The following PTPRD variants were observed in gnomAD, a reference collection of about 807,000 sequenced individuals.
PTPRD encodes the protein receptor-type tyrosine-protein phosphatase delta.
Under a neutral mutation model 214.5 loss-of-function variants are expected in PTPRD, and 34 were observed. The ratio of observed to expected loss-of-function variants is 0.16; its 90% CI spans 0.12 to 0.21. PTPRD has a LOEUF of 0.21. Among genes scored for constraint, PTPRD ranks in the 10% least tolerant of loss-of-function variants. The pLI is 1.00. For missense variants in PTPRD, 2,545 were observed against 2,398.7 expected (o/e 1.06, Z -1.27); for synonymous variants, 1,128 against 845.7 (o/e 1.33, Z -5.79).
chr9:10,408,953 T>C (rs180782588), intron 2 of PTPRD, among the ~76,000 whole-genome samples: 1 of 151,906 alleles, frequency 6.6e-6, no homozygotes, highest in African/African-American at 2.4e-5. Context: ...GTTCAATAGA[T>C]ATATGCTGAA....
intron 3 of PTPRD, among the ~76,000 whole-genome samples, chr9:10,272,131 C>T (rs1009798541): frequency 1.3e-5 from 2 of 152,102 alleles, no homozygotes; most frequent in Admixed American, 6.5e-5. Context: ...CAATCATAAA[C>T]GTGCTTTCTC....
At position 9,175,622 on chromosome 9, in the gene PTPRD, C is replaced by CAAAA. The variant is rs55707715; in HGVS notation, c.-143+7678_-143+7681dup. Among the ~76,000 whole-genome samples the CAAAA allele has an allele frequency of 7.7e-4, 35 of 45,264 alleles. 2 individuals are homozygous for CAAAA. The highest frequency in any genetic ancestry group is 2.8e-3 in the African/African-American group (31 of 11,256). 29.7% of individuals were successfully genotyped at this position (45,264 alleles called of 152,430 possible). ...TGGGCAACAGAGTGAGACTCTGTCT[C>CAAAA]AAAAAAAAAAAAAAAAAAAAAAAAA... On this transcript the variant is annotated intron_variant, in intron 10 of 45. Transcript: ENST00000381196.
chr9:9,080,728 G>C (rs1054076837), intron 10 of PTPRD, among the ~76,000 whole-genome samples: 2 of 152,080 alleles, frequency 1.3e-5, no homozygotes, highest in South Asian at 2.1e-4. Context: ...TCCCTTGGGA[G>C]GGTGTATGTG....
At chr9:10,598,156 GA>G (rs35541370) in intron 2 of PTPRD, among the ~76,000 whole-genome samples, 50,866 of 151,488 alleles carry the variant, frequency 0.34, 9,025 homozygotes, top group East Asian at 0.49. Context: ...GAAGAGATGT[GA>G]ATTATAACTG....
intron 11 of PTPRD, among the ~76,000 whole-genome samples, chr9:8,910,522 T>C (rs1240007797): frequency 2.6e-5 from 4 of 152,136 alleles, no homozygotes; most frequent in Non-Finnish European, 5.9e-5. Flanking sequence ...AGACCTGAGC[T>C]AGCATGCTCA....
intron 5 of PTPRD, among the ~76,000 whole-genome samples, chr9:9,797,357 A>G (rs1253876452): frequency 1.3e-5 from 2 of 150,712 alleles, no homozygotes; most frequent in Non-Finnish European, 3.0e-5. Flanking sequence ...TATAAATTAC[A>G]TATTTAAAAT....
chr9:8,973,097 ATATTC>A (rs1247486628), intron 11 of PTPRD, among the ~76,000 whole-genome samples: 4 of 151,992 alleles, frequency 2.6e-5, no homozygotes, highest in Admixed American at 6.6e-5. Flanking sequence ...CCTTTTAAAA[ATATTC>A]AGCTTTGATT....
At chr9:8,374,944 T>G (rs548632290) in intron 39 of PTPRD, among the ~76,000 whole-genome samples, 1 of 151,900 alleles carries the variant, frequency 6.6e-6, no homozygotes, top group Non-Finnish European at 1.5e-5. Context: ...TGTATTATAT[T>G]TATATTATAG....
chr9:9,432,040 C>G (rs894377576), intron 8 of PTPRD, among the ~76,000 whole-genome samples: 87 of 127,714 alleles, frequency 6.8e-4, no homozygotes, highest in Non-Finnish European at 1.2e-3. Flanking sequence ...TACCCTAGAA[C>G]TTAAAGTATA....
At chr9:8,543,757 G>C (rs2079096282) in intron 14 of PTPRD, among the ~76,000 whole-genome samples, 1 of 152,024 alleles carries the variant, frequency 6.6e-6, no homozygotes, top group Non-Finnish European at 1.5e-5. Context: ...CTGTTGTCCA[G>C]GCTGGAGTGC....
intron 10 of PTPRD, among the ~76,000 whole-genome samples, chr9:9,132,919 T>A (rs894279656): frequency 6.6e-6 from 1 of 152,202 alleles, no homozygotes; most frequent in Admixed American, 6.5e-5. Flanking sequence ...GGATGGCATA[T>A]ATAATATTAA....
At chr9:10,070,751 CTATT>C (rs1244208445) in intron 3 of PTPRD, among the ~76,000 whole-genome samples, 1 of 151,718 alleles carries the variant, frequency 6.6e-6, no homozygotes, top group Non-Finnish European at 1.5e-5. Flanking sequence ...TTTTCAATGA[CTATT>C]TAGTAAGTTT....
chr9:10,101,649 C>T (rs1247923371), intron 3 of PTPRD, among the ~76,000 whole-genome samples: 1 of 151,642 alleles, frequency 6.6e-6, no homozygotes, highest in East Asian at 1.9e-4. Flanking sequence ...TTGCACAGGT[C>T]CTATTACTAC....
chr9:10,336,104 G>GAA (rs2096839669), intron 3 of PTPRD, among the ~76,000 whole-genome samples: 1 of 151,742 alleles, frequency 6.6e-6, no homozygotes, highest in Non-Finnish European at 1.5e-5. Context: ...ACCCCACGGA[G>GAA]CTGAAAACTT....
chr9:10,264,116 C>G (rs1474491796), intron 3 of PTPRD, among the ~76,000 whole-genome samples: 2 of 152,182 alleles, frequency 1.3e-5, no homozygotes, highest in Non-Finnish European at 2.9e-5. Flanking sequence ...GAAGTCCAGG[C>G]AGAAGTTTGC....
chr9:8,713,912 T>G, intron 12 of PTPRD: 1 of 761,156 alleles, frequency 1.3e-6, no homozygotes, highest in Non-Finnish European at 2.1e-6. Flanking sequence ...AAAAAAATCT[T>G]TATCCACTGA....
intron 7 of PTPRD, among the ~76,000 whole-genome samples, chr9:9,695,985 A>G (rs969782607): frequency 2.6e-5 from 4 of 152,026 alleles, no homozygotes; most frequent in Non-Finnish European, 2.9e-5. Flanking sequence ...TAGTTCGTAA[A>G]TATTGGGAGA....
chr9:8,410,856 A>G (rs1007822660), intron 35 of PTPRD, among the ~76,000 whole-genome samples: 1 of 152,192 alleles, frequency 6.6e-6, no homozygotes, highest in African/African-American at 2.4e-5. Flanking sequence ...TAGAACTGAC[A>G]TGCAGGGAAC....
At chr9:10,492,207 T>C (rs2040519225) in intron 2 of PTPRD, among the ~76,000 whole-genome samples, 1 of 152,218 alleles carries the variant, frequency 6.6e-6, no homozygotes, top group African/African-American at 2.4e-5. Flanking sequence ...GAATAATTTA[T>C]AATCTTTTGG....
Sources: gnomAD v4.1 joint callset for allele counts (sites outside exome capture counted in the v4.1 genomes callset) on GRCh38, gnomAD v4.1.1 for gene constraint, MANE v1.5 for transcripts, NCBI Gene and HGNC (gene_info 2026-07-23, HGNC 2026-07-21) for gene names.